The following ABCA5 variants were observed in gnomAD, a reference collection of about 807,000 sequenced individuals.
The protein encoded by ABCA5 is cholesterol transporter ABCA5.
Under a neutral mutation model 206.0 loss-of-function variants are expected in ABCA5, and 163 were observed. That is an observed-to-expected ratio of 0.79 (90% CI 0.70 to 0.90). The LOEUF (loss-of-function observed/expected upper bound fraction) is 0.90, where lower values mean the gene tolerates loss of function less well. Ranked by LOEUF, ABCA5 falls within the 40% of genes least tolerant of loss-of-function variation. The pLI, the probability that ABCA5 is intolerant of heterozygous loss-of-function variation, is 0.00. For synonymous variants in ABCA5, 609 were observed against 613.8 expected, an observed-to-expected ratio of 0.99 and a Z score of 0.11; for missense variants, 1,859 against 1,912.9, an observed-to-expected ratio of 0.97 and a Z score of 0.53.
At chr17:69,297,078 C>A in intron 10 of ABCA5, 113 bp downstream of exon 10, 2 of 1,004,860 alleles carry the variant, frequency 2.0e-6, no homozygotes, top group South Asian at 1.7e-5. Flanking sequence ...GTTTTAAAAT[C>A]ATGGCATATG....
intron 31 of ABCA5, among the ~76,000 whole-genome samples, chr17:69,255,301 C>T (rs1174372802): frequency 6.6e-6 from 1 of 152,112 alleles, no homozygotes; most frequent in Non-Finnish European, 1.5e-5. Flanking sequence ...ATAACTCACG[C>T]ATGTAAGCAT....
At chr17:69,325,952 C>T (rs2075894292) in intron 1 of ABCA5, 1 of 152,184 alleles carries the variant, frequency 6.6e-6, no homozygotes, top group South Asian at 2.1e-4. Context: ...AAGATTAACG[C>T]CTCTTTAGTT....
intron 28 of ABCA5, among the ~76,000 whole-genome samples, chr17:69,258,249 A>G (rs1393742898): frequency 6.6e-6 from 1 of 152,182 alleles, no homozygotes. Context: ...TATTCACAAT[A>G]GCAAAGTCAT....
chr17:69,285,423 A>G (rs917799544), intron 17 of ABCA5: 2 of 152,212 alleles, frequency 1.3e-5, no homozygotes, highest in Admixed American at 6.6e-5. Flanking sequence ...AGCAATTCCT[A>G]AACAGAGGAA....
At chr17:69,286,393 TGA>T in intron 15 of ABCA5, 82 bp from the exon 16 acceptor site, 1 of 1,212,502 alleles carries the variant, frequency 8.2e-7, no homozygotes, top group Non-Finnish European at 1.2e-6. Context: ...GTTTCTCATA[TGA>T]GAGTCATCCA....
chr17:69,264,127 G>A (rs2075181791), intron 24 of ABCA5, among the ~76,000 whole-genome samples: 2 of 152,050 alleles, frequency 1.3e-5, no homozygotes, highest in Admixed American at 1.3e-4. Flanking sequence ...GATTGCTTTG[G>A]GCAGTATGGC....
At chr17:69,296,934 C>T (rs1458206759) in intron 10 of ABCA5, among the ~76,000 whole-genome samples, 1 of 152,140 alleles carries the variant, frequency 6.6e-6, no homozygotes, top group Non-Finnish European at 1.5e-5. Flanking sequence ...CACTGTGCTC[C>T]AGGCTGGGCG....
At chr17:69,306,304 C>G (rs2075715864) in intron 6 of ABCA5, among the ~76,000 whole-genome samples, 1 of 152,014 alleles carries the variant, frequency 6.6e-6, no homozygotes, top group Non-Finnish European at 1.5e-5. Flanking sequence ...ATCACTATAA[C>G]TAAATTTTTA....
rs757819939 is a variant in ABCA5, at chr17:69,297,269, C to T, written c.1358G>A (p.Gly453Asp). 1.2e-6 allele frequency: 2 copies of T among 1,612,724 alleles called. No homozygotes were observed. Among genetic ancestry groups the T allele is most frequent in the East Asian group, 2.2e-5 (1 of 44,706 alleles). The change falls in exon 10 of 39, where the codon GGC (glycine) becomes GAC (aspartate). Residue 453 changes from glycine (G) to aspartate (D), a missense_variant. Transcript: ENST00000392676. ...AAAACTAATATTTCCATTAACATTG[C>T]CCTCTGATAACTCCTCATAATTTCT... ...SKRNYEELSEGNVNGNISFSE... is the reference protein window; with the variant it reads ...SKRNYEELSEDNVNGNISFSE...
At chr17:69,258,667 C>T (rs2075110061) in intron 28 of ABCA5, among the ~76,000 whole-genome samples, 3 of 152,078 alleles carry the variant, frequency 2.0e-5, no homozygotes, top group African/African-American at 7.2e-5. Context: ...AGCTAACAAA[C>T]ATGCACATTT....
intron 2 of ABCA5, 36 bp downstream of exon 2, chr17:69,314,278 C>T: frequency 7.2e-7 from 1 of 1,388,630 alleles, no homozygotes; most frequent in South Asian, 1.2e-5. Flanking sequence ...GCAAAATAAA[C>T]TGCAAAAAAG....
rs2075740911 is a variant in ABCA5 at position 69,308,454 on chromosome 17, C to G, written c.470-86G>C. The G allele has an allele frequency of 7.2e-6, 6 of 832,002 alleles. 1 individual carries two copies. In the South Asian group the frequency reaches 8.3e-5, roughly 12 times the overall value. 51.5% of individuals were successfully genotyped at this position (832,002 alleles called of 1,614,324 possible). A position where few individuals can be genotyped will look rare whatever the true frequency, so the allele number is the denominator to read the frequency against. On this transcript the variant is annotated intron_variant, in intron 4 of 38. Coordinates refer to ENST00000392676, the MANE Select transcript of ABCA5 (RefSeq NM_172232.4). ...AGATATTATATGGAGAGATACCTAC[C>G]AAAACAATATAATCAATCAATCTTT...
intron 19 of ABCA5, among the ~76,000 whole-genome samples, chr17:69,276,270 G>T (rs768273154): frequency 1.3e-5 from 2 of 151,988 alleles, no homozygotes; most frequent in Non-Finnish European, 2.9e-5. Flanking sequence ...TATATTTTTA[G>T]TAGAGACGGA....
At position 69,255,525 on chromosome 17, in the gene ABCA5, T is replaced by C. The variant is rs557881060; in HGVS notation, c.4068+18A>G. 4 of 1,433,988 alleles carry C rather than the reference T, an allele frequency of 2.8e-6. No homozygotes were observed. The highest frequency in any genetic ancestry group is 4.8e-5 in the East Asian group (2 of 42,038). The allele number at this position is 1,433,988 out of a possible 1,614,324, so 88.8% of individuals were successfully genotyped here. A position where few individuals can be genotyped will look rare whatever the true frequency, so the allele number is the denominator to read the frequency against. On this transcript the variant is annotated intron_variant, in intron 31 of 38. Coordinates refer to ENST00000392676, the MANE Select transcript of ABCA5 (RefSeq NM_172232.4). ...TATAAATCACATTCAACATATCCTA[T>C]ACTCTTATATATCATACCTGGCCTG...
chr17:69,323,924 T>G (rs370325516), intron 1 of ABCA5, among the ~76,000 whole-genome samples: 1 of 152,228 alleles, frequency 6.6e-6, no homozygotes, highest in African/African-American at 2.4e-5. Context: ...AAAAATTATA[T>G]GAAATTCAAA....
intron 28 of ABCA5, among the ~76,000 whole-genome samples, chr17:69,259,067 A>G (rs1458802136): frequency 1.3e-5 from 2 of 152,042 alleles, no homozygotes; most frequent in Non-Finnish European, 2.9e-5. Context: ...TGACCCAGCA[A>G]TCCCATTTCT....
At chr17:69,253,962 T>C (rs776856106) in intron 32 of ABCA5, 93 bp from the exon 33 acceptor site, 3 of 1,029,268 alleles carry the variant, frequency 2.9e-6, no homozygotes, top group South Asian at 1.5e-5. Context: ...TTCTCTAGAA[T>C]AGTTACTTAG....
intron 5 of ABCA5, among the ~76,000 whole-genome samples, chr17:69,308,020 C>G (rs1274488813): frequency 6.6e-6 from 1 of 152,144 alleles, no homozygotes; most frequent in African/African-American, 2.4e-5. Context: ...GTAACTTCAT[C>G]TACTGTTATC....
intron 10 of ABCA5, among the ~76,000 whole-genome samples, chr17:69,296,374 C>A (rs997954214): frequency 1.3e-5 from 2 of 151,760 alleles, no homozygotes; most frequent in African/African-American, 4.8e-5. Flanking sequence ...TATTTTATTT[C>A]TTTTCTTTCA....
Sources: gnomAD v4.1 joint callset for allele counts (sites outside exome capture counted in the v4.1 genomes callset) on GRCh38, gnomAD v4.1.1 for gene constraint, MANE v1.5 for transcripts, NCBI Gene and HGNC (gene_info 2026-07-23, HGNC 2026-07-21) for gene names.